Variants in SLIT3 observed in about 807,000 individuals in gnomAD.
SLIT3 encodes the protein slit homolog 3 protein.
A neutral mutation model predicts 184.0 loss-of-function variants in SLIT3; 68 were observed. The observed-to-expected ratio is 0.37, with a 90% CI of 0.30 to 0.45. The LOEUF is 0.45. SLIT3 is among the 20% of genes least tolerant of loss of function. SLIT3 has a pLI of 1.00. For synonymous variants in SLIT3, 831 were observed against 828.6 expected (o/e 1.00, Z -0.05); for missense variants, 1,707 against 2,026.0 (o/e 0.84, Z 3.02).
chr5:169,014,540 C>G (rs1186163670), intron 4 of SLIT3, among the ~76,000 whole-genome samples: 1 of 152,184 alleles, frequency 6.6e-6, no homozygotes, highest in Non-Finnish European at 1.5e-5. Context: ...CACACAGACA[C>G]ACACACTTTC....
chr5:169,071,850 G>A (rs1758559670), intron 4 of SLIT3, among the ~76,000 whole-genome samples: 1 of 152,156 alleles, frequency 6.6e-6, no homozygotes, highest in South Asian at 2.1e-4. Flanking sequence ...TGGGATGAGT[G>A]GGCAGGGCAG....
At chr5:168,972,639 C>T (rs543365371) in intron 4 of SLIT3, among the ~76,000 whole-genome samples, 30 of 152,142 alleles carry the variant, frequency 2.0e-4, no homozygotes, top group Middle Eastern at 3.4e-3. Flanking sequence ...ACGAGATGGC[C>T]ACTGGGAAGC....
intron 4 of SLIT3, among the ~76,000 whole-genome samples, chr5:169,184,085 AG>A (rs1196985320): frequency 1.3e-5 from 2 of 152,346 alleles, no homozygotes; most frequent in East Asian, 1.9e-4. Context: ...GAATTTAGAA[AG>A]GTCTACTTGC....
intron 10 of SLIT3, 140 bp from the exon 11 acceptor site, chr5:168,789,771 C>T: frequency 1.5e-6 from 1 of 655,334 alleles, no homozygotes; most frequent in Non-Finnish European, 2.7e-6. Context: ...ACTCATAGTG[C>T]AAGAGAAGGA....
chr5:168,922,774 T>C (rs1192954424), intron 4 of SLIT3, among the ~76,000 whole-genome samples: 1 of 152,024 alleles, frequency 6.6e-6, no homozygotes, highest in Non-Finnish European at 1.5e-5. Flanking sequence ...GGGAGATAAA[T>C]ACACAGGTAA....
chr5:169,072,205 G>GC (rs756697406), intron 4 of SLIT3, among the ~76,000 whole-genome samples: 10 of 152,208 alleles, frequency 6.6e-5, no homozygotes, highest in Non-Finnish European at 1.3e-4. Flanking sequence ...ATGTAAGAGT[G>GC]TTCCAGGGAG....
chr5:168,692,379 T>C (rs955721722), intron 29 of SLIT3, among the ~76,000 whole-genome samples: 2 of 152,080 alleles, frequency 1.3e-5, no homozygotes, highest in African/African-American at 4.8e-5. Context: ...TCTTTCTCTC[T>C]CCCTACCTAC....
At chr5:168,724,638 C>T (rs911909128) in intron 20 of SLIT3, among the ~76,000 whole-genome samples, 154 bp from the exon 21 acceptor site, 4 of 151,786 alleles carry the variant, frequency 2.6e-5, no homozygotes, top group African/African-American at 7.3e-5. Flanking sequence ...CTATATTTGT[C>T]ATTTAATATT....
intron 4 of SLIT3, among the ~76,000 whole-genome samples, chr5:168,890,180 C>T (rs1219844552): frequency 3.4e-5 from 5 of 149,208 alleles, no homozygotes; most frequent in East Asian, 2.0e-4. Flanking sequence ...ACCAGTTTCA[C>T]TGTTTCTCCG....
intron 1 of SLIT3, among the ~76,000 whole-genome samples, chr5:169,265,397 G>T (rs538969038): frequency 1.3e-5 from 2 of 152,260 alleles, no homozygotes; most frequent in South Asian, 4.2e-4. Context: ...GGATTTTAGT[G>T]GCCATCATAA....
intron 29 of SLIT3, among the ~76,000 whole-genome samples, chr5:168,691,802 C>G (rs1761912488): frequency 6.6e-6 from 1 of 152,166 alleles, no homozygotes; most frequent in African/African-American, 2.4e-5. Context: ...TGTTTTTGGC[C>G]ACAGAGTTCT....
intron 4 of SLIT3, among the ~76,000 whole-genome samples, chr5:168,908,140 C>T (rs1057333881): frequency 1.4e-4 from 21 of 151,738 alleles, no homozygotes; most frequent in Non-Finnish European, 2.4e-4. Context: ...GAATGTAATG[C>T]CTATTTTCCA....
At chr5:168,824,526 G>A (rs530100601) in intron 6 of SLIT3, among the ~76,000 whole-genome samples, 1 of 152,302 alleles carries the variant, frequency 6.6e-6, no homozygotes, top group Non-Finnish European at 1.5e-5. Context: ...CATCTGCAGA[G>A]GCAGAAACAT....
intron 4 of SLIT3, among the ~76,000 whole-genome samples, chr5:169,095,233 A>G (rs1265052902): frequency 6.6e-6 from 1 of 152,212 alleles, no homozygotes; most frequent in Non-Finnish European, 1.5e-5. Context: ...CATCCCGGGA[A>G]GCACATGTAA....
At chr5:169,138,754 GCA>G (rs1240691242) in intron 4 of SLIT3, among the ~76,000 whole-genome samples, 1 of 152,162 alleles carries the variant, frequency 6.6e-6, no homozygotes, top group Non-Finnish European at 1.5e-5. Flanking sequence ...CCCACGCATG[GCA>G]CACTTGCATG....
chr5:168,733,599 A>T (rs1763348364), intron 20 of SLIT3, among the ~76,000 whole-genome samples: 1 of 152,046 alleles, frequency 6.6e-6, no homozygotes. Context: ...GGACACAAGG[A>T]GGGGAACAAC....
At chr5:169,176,315 C>A (rs1283072482) in intron 4 of SLIT3, among the ~76,000 whole-genome samples, 3 of 152,172 alleles carry the variant, frequency 2.0e-5, no homozygotes, top group Non-Finnish European at 4.4e-5. Context: ...AATTTAAAGC[C>A]TGACGGGCAA....
At chr5:168,742,925 G>A (rs1422524142) in intron 20 of SLIT3, among the ~76,000 whole-genome samples, 1 of 151,904 alleles carries the variant, frequency 6.6e-6, no homozygotes, top group Non-Finnish European at 1.5e-5. Context: ...TCAAGAGATC[G>A]AGACTATCCT....
intron 4 of SLIT3, among the ~76,000 whole-genome samples, chr5:168,887,148 T>C (rs1760251071): frequency 6.6e-6 from 1 of 152,094 alleles, no homozygotes; most frequent in African/African-American, 2.4e-5. Context: ...ATGTCAGGCA[T>C]GCTTTGTTCT....
Sources: allele counts gnomAD v4.1 joint callset (sites outside exome capture counted in the v4.1 genomes callset), GRCh38; gene constraint gnomAD v4.1.1; transcripts MANE v1.5; gene names NCBI Gene and HGNC (gene_info 2026-07-23, HGNC 2026-07-21).